STK3: variants seen among roughly 807,000 people sequenced by gnomAD.
STK3 encodes the protein serine/threonine-protein kinase 3.
Under a neutral mutation model 58.0 loss-of-function variants are expected in STK3, and 41 were observed. That is an observed-to-expected ratio of 0.71 (90% CI 0.55 to 0.92). STK3 has a LOEUF of 0.92. Among genes scored for constraint, STK3 ranks in the 40% least tolerant of loss-of-function variants. The pLI, the probability that STK3 is intolerant of heterozygous loss-of-function variation, is 0.00. For missense variants in STK3, 479 were observed against 602.7 expected, an observed-to-expected ratio of 0.79 and a Z score of 2.15; for synonymous variants, 170 against 191.0, an observed-to-expected ratio of 0.89 and a Z score of 0.91.
chr8:98,356,374 C>G, the STK3 span, among the ~76,000 whole-genome samples: 73 of 152,286 alleles, frequency 4.8e-4, no homozygotes, highest in African/African-American at 1.7e-3. Flanking sequence ...GAGTTTGGTG[C>G]TCACACCAGA....
intron 8 of STK3, among the ~76,000 whole-genome samples, chr8:98,565,137 C>G (rs982238317): frequency 1.3e-5 from 2 of 152,064 alleles, no homozygotes; most frequent in Non-Finnish European, 2.9e-5. Context: ...CACTACAACC[C>G]ATAAGTCAGT....
At chr8:98,832,002 A>G (rs1835547699) in intron 3 of STK3, among the ~76,000 whole-genome samples, 1 of 152,172 alleles carries the variant, frequency 6.6e-6, no homozygotes, top group Non-Finnish European at 1.5e-5. Flanking sequence ...AGGTGTTTCT[A>G]GGTTTGAATA....
intron 10 of STK3, among the ~76,000 whole-genome samples, chr8:98,462,486 G>A (rs1820074282): frequency 6.6e-6 from 1 of 152,088 alleles, no homozygotes; most frequent in African/African-American, 2.4e-5. Flanking sequence ...GTGGGAGATA[G>A]AGTGTTTTAC....
At chr8:98,687,135 C>A (rs1824059018) in intron 6 of STK3, among the ~76,000 whole-genome samples, 2 of 152,138 alleles carry the variant, frequency 1.3e-5, no homozygotes, top group South Asian at 4.1e-4. Flanking sequence ...AGTCATCAGA[C>A]CATCCAAGGT....
Position 98,750,869 on chromosome 8 carries a change from C to A in STK3, c.237-1479G>T, listed in dbSNP as rs555014806. ...AAGTCGTCAACAAAACATTAGCAAA[C>A]CAAATCCAGTGGCACATAAAAAACC... On this transcript the variant is annotated intron_variant, in intron 3 of 10. Transcript: ENST00000419617. Among the ~76,000 whole-genome samples the A allele has an allele frequency of 6.6e-5, 10 of 152,258 alleles. No homozygotes were observed. The East Asian group carries it at 1.7e-3, about 26-fold the overall frequency.
chr8:98,725,826 C>A (rs1280739303), intron 4 of STK3, among the ~76,000 whole-genome samples: 2 of 152,036 alleles, frequency 1.3e-5, no homozygotes, highest in Non-Finnish European at 2.9e-5. Context: ...TGACACTTAC[C>A]ATGTTTTTTT....
chr8:98,743,412 G>C (rs1290366493), intron 4 of STK3, among the ~76,000 whole-genome samples: 2 of 152,056 alleles, frequency 1.3e-5, no homozygotes, highest in African/African-American at 4.8e-5. Context: ...ACAGAACAGA[G>C]CCCTCAGAAA....
intron 4 of STK3, among the ~76,000 whole-genome samples, chr8:98,708,201 T>A (rs1826107113): frequency 6.6e-6 from 1 of 152,066 alleles, no homozygotes; most frequent in Admixed American, 6.5e-5. Flanking sequence ...AGAATCAGCC[T>A]GATATAAGGA....
intron 3 of STK3, among the ~76,000 whole-genome samples, chr8:98,756,409 G>C (rs1830290176): frequency 6.6e-6 from 1 of 152,156 alleles, no homozygotes; most frequent in Admixed American, 6.5e-5. Context: ...AAAGGATACA[G>C]TAGAACATAA....
intron 6 of STK3, among the ~76,000 whole-genome samples, chr8:98,670,160 A>G (rs1196484016): frequency 6.6e-6 from 1 of 152,158 alleles, no homozygotes; most frequent in African/African-American, 2.4e-5. Context: ...CTTGAGTCCA[A>G]GAGTTCGAGA....
At chr8:98,851,951 G>A (rs1312901129) in intron 3 of STK3, among the ~76,000 whole-genome samples, 1 of 152,064 alleles carries the variant, frequency 6.6e-6, no homozygotes, top group Non-Finnish European at 1.5e-5. Flanking sequence ...TTGTATCACT[G>A]TACTCCAGCC....
At chr8:98,738,226 T>A (rs1288013885) in intron 4 of STK3, among the ~76,000 whole-genome samples, 1 of 152,028 alleles carries the variant, frequency 6.6e-6, no homozygotes, top group Non-Finnish European at 1.5e-5. Flanking sequence ...GCCTCTAATC[T>A]CAACACTTTA....
chr8:98,435,711 C>T (rs1325694509), intron 2 of STK3, among the ~76,000 whole-genome samples: 1 of 151,994 alleles, frequency 6.6e-6, no homozygotes, highest in Non-Finnish European at 1.5e-5. Context: ...ATGGTGGTGC[C>T]ACCTGGAGAG....
intron 6 of STK3, chr8:98,651,579 G>A (rs546331242): frequency 3.9e-5 from 6 of 152,726 alleles, no homozygotes; most frequent in African/African-American, 1.4e-4. Flanking sequence ...AGGCAAAGAA[G>A]TTGAAAACTT....
At chr8:98,363,430 C>T in the STK3 span, among the ~76,000 whole-genome samples, 5 of 152,078 alleles carry the variant, frequency 3.3e-5, no homozygotes, top group African/African-American at 9.7e-5. Context: ...AGAAGGGGCC[C>T]GGGTTCCGGT....
chr8:98,772,038 T>C (rs1831343919), intron 2 of STK3, among the ~76,000 whole-genome samples: 1 of 152,242 alleles, frequency 6.6e-6, no homozygotes, highest in Non-Finnish European at 1.5e-5. Flanking sequence ...GTTAGTCTAA[T>C]GAAAGAATTT....
intron 3 of STK3, among the ~76,000 whole-genome samples, chr8:98,835,664 A>C (rs922608915): frequency 1.3e-5 from 2 of 152,188 alleles, no homozygotes; most frequent in African/African-American, 4.8e-5. Flanking sequence ...ACCTAAGAGG[A>C]AGATTTCTGC....
intron 7 of STK3, among the ~76,000 whole-genome samples, chr8:98,593,992 C>T (rs1448794654): frequency 1.3e-5 from 2 of 151,996 alleles, no homozygotes; most frequent in Middle Eastern, 3.2e-3. Context: ...AAAGGTAGTA[C>T]CCTTTGGACT....
chr8:98,850,827 G>A (rs2131829820), intron 3 of STK3, among the ~76,000 whole-genome samples: 1 of 152,266 alleles, frequency 6.6e-6, no homozygotes, highest in South Asian at 2.1e-4. Context: ...GTTTAAACAG[G>A]AGAGTGTCAT....
Sources: gnomAD v4.1 joint callset for allele counts (sites outside exome capture counted in the v4.1 genomes callset) on GRCh38, gnomAD v4.1.1 for gene constraint, MANE v1.5 for transcripts, NCBI Gene and HGNC (gene_info 2026-07-23, HGNC 2026-07-21) for gene names.